Variants in RAD1 observed in about 807,000 individuals in gnomAD.
RAD1 encodes cell cycle checkpoint protein RAD1.
In RAD1, 21 loss-of-function variants were observed where a neutral mutation model predicts 30.0. The observed-to-expected ratio is 0.70, with a 90% CI of 0.50 to 1.01. The LOEUF (loss-of-function observed/expected upper bound fraction) is 1.01, where lower values mean the gene tolerates loss of function less well. Ranked by LOEUF, RAD1 falls within the 50% of genes least tolerant of loss-of-function variation. The probability of loss-of-function intolerance (pLI) is 0.00; values close to 1 mark genes in which losing one functional copy is unlikely to be tolerated. For missense variants in RAD1, 329 were observed against 329.0 expected, an observed-to-expected ratio of 1.00 and a Z score of 0.00; for synonymous variants, 109 against 113.6, an observed-to-expected ratio of 0.96 and a Z score of 0.26.
In RAD1 at chr5:34,911,599, C is replaced by T. The variant is rs373845802; in HGVS notation, c.521G>A (p.Ser174Asn). 5.0e-6 allele frequency: 8 copies of T among 1,614,068 alleles called. No individual in the cohort carries two copies. Among genetic ancestry groups the T allele is most frequent in the Non-Finnish European group, 6.8e-6 (8 of 1,180,028 alleles). ...AGACATGGTAATTTGTAGGACTTCA[C>T]TCGTCATATCCAATTCAGAAAATGC... Reference protein sequence around the residue: ...REAFSELDMTSEVLQITMSPD... With the variant: ...REAFSELDMTNEVLQITMSPD... The change falls in exon 4 of 6, where the codon AGT becomes AAT. Residue 174 changes from serine (S) to asparagine (N), a missense_variant. Transcript: ENST00000382038.
intron 2 of RAD1, 52 bp downstream of exon 2, chr5:34,914,638 CATTAA>C: frequency 6.4e-7 from 1 of 1,560,456 alleles, no homozygotes; most frequent in East Asian, 2.2e-5. Context: ...CTTCCGATTT[CATTAA>C]ATTACATTTA....
rs1344364841 is a variant in RAD1 at position 34,906,390 on chromosome 5, G to A, written c.*2375C>T. 1 of 152,180 alleles carries A rather than the reference G, an allele frequency of 6.6e-6. No homozygotes were observed. The highest frequency in any genetic ancestry group is 2.4e-5 in the African/African-American group (1 of 41,442). 9.4% of individuals were successfully genotyped at this position (152,180 alleles called of 1,614,324 possible). ...ATGATAGCTCACGCCTGTAATCCCA[G>A]CCCTTTGGGAGGCCGAGGCGGGTGG... On this transcript the variant is annotated 3_prime_UTR_variant, in exon 6 of 6. Transcript: ENST00000382038.
At position 34,914,413 on chromosome 5, in the gene RAD1, T is replaced by C. The variant is rs545841355; in HGVS notation, c.198+282A>G. On this transcript the variant is annotated intron_variant, in intron 2 of 5. Coordinates refer to ENST00000382038, the MANE Select transcript of RAD1 (RefSeq NM_002853.4). ...AATAAGTTAAACAATAAGAAGACTG[T>C]AGCCTAGCCAATAGCCTAGTTTAAT... 2.7e-5 allele frequency: 11 copies of C among 410,636 alleles called. No individual in the cohort carries two copies. In the East Asian group the frequency reaches 3.6e-4, roughly 13 times the overall value. The allele number at this position is 410,636 out of a possible 1,614,324, so 25.4% of individuals were successfully genotyped here. A position where few individuals can be genotyped will look rare whatever the true frequency, so the allele number is the denominator to read the frequency against.
In RAD1 at chr5:34,907,012, GT is replaced by G. The variant is rs1276301081; in HGVS notation, c.*1752del. The G allele has an allele frequency of 1.3e-5, 2 of 151,988 alleles. No homozygotes were observed. The highest frequency in any genetic ancestry group is 4.8e-5 in the African/African-American group (2 of 41,362). The allele number at this position is 151,988 out of a possible 1,614,324, so 9.4% of individuals were successfully genotyped here. On this transcript the variant is annotated 3_prime_UTR_variant, in exon 6 of 6. Transcript: ENST00000382038. ...TTAGAAAATTCCAACTTCTTTTGTA[GT>G]CACTGCTAAATTTTGTATGCTGAGA...
Position 34,911,696 on chromosome 5 carries a change from T to A in RAD1, c.424A>T (p.Thr142Ser). The A allele has an allele frequency of 2.5e-6, 4 of 1,614,118 alleles. No individual in the cohort carries two copies. Among genetic ancestry groups the A allele is most frequent in the Non-Finnish European group, 3.4e-6 (4 of 1,180,030 alleles). The change falls in exon 4 of 6, where the codon ACC becomes TCC. Residue 142 changes from threonine (T) to serine (S), a missense_variant. Coordinates refer to ENST00000382038, the MANE Select transcript of RAD1 (RefSeq NM_002853.4). ...CKINTQEPEE[T>S]LDFDFCSTNV... ...GTGCTGCAGAAATCAAAGTCCAGGGTCTCCTCAGGTTCCTGTGTATTGATT... is the reference window on the plus strand; with the variant it reads ...GTGCTGCAGAAATCAAAGTCCAGGGACTCCTCAGGTTCCTGTGTATTGATT...
intron 3 of RAD1, 31 bp downstream of exon 3, chr5:34,913,439 C>A: frequency 1.5e-6 from 2 of 1,336,760 alleles, no homozygotes; most frequent in Non-Finnish European, 2.1e-6. Context: ...ATGTATAACA[C>A]TTTTATGTCT....
At position 34,906,756 on chromosome 5, in the gene RAD1, C is replaced by CA. The variant is rs1287667357; in HGVS notation, c.*2008dup. The stretch of plus-strand genomic sequence containing the variant: ...TGAAATTGGAGAGTCTTTCATCTAA[C>CA]AGAGTTACTAAATGCCCATTATATG... On this transcript the variant is annotated 3_prime_UTR_variant, in exon 6 of 6. Coordinates refer to ENST00000382038, the MANE Select transcript of RAD1 (RefSeq NM_002853.4). 1 of 152,180 alleles carries CA rather than the reference C, an allele frequency of 6.6e-6. No individual in the cohort carries two copies. The highest frequency in any genetic ancestry group is 2.4e-5 in the African/African-American group (1 of 41,440). The allele number at this position is 152,180 out of a possible 1,614,324, so 9.4% of individuals were successfully genotyped here.
At position 34,914,810 on chromosome 5, in the gene RAD1, G is replaced by A. The variant is rs930669788; in HGVS notation, c.83C>T (p.Ser28Phe). ...VASLDNVRNL[S>F]TILKAIHFRE... ...GAAATGAATAGCTTTCAAGATAGTG[G>A]AGAGATTCCTAACGTTGTCAAGGCT... The change falls in exon 2 of 6, where the codon TCC becomes TTC. Residue 28 changes from serine (S) to phenylalanine (F), a missense_variant. By Grantham distance (155) the Ser-to-Phe change is radical. Transcript: ENST00000382038. 1.9e-6 allele frequency: 3 copies of A among 1,614,224 alleles called. No individual in the cohort carries two copies. The highest frequency in any genetic ancestry group is 2.5e-6 in the Non-Finnish European group (3 of 1,180,030).
Position 34,906,698 on chromosome 5 carries a change from A to T in RAD1, c.*2067T>A, listed in dbSNP as rs1273727949. ...AATTTAGAGCTAAATCATCAGAATT[A>T]AGTAGTGACTAATAAGATGCTAAAA... On this transcript the variant is annotated 3_prime_UTR_variant, in exon 6 of 6. Transcript: ENST00000382038. 6.6e-5 allele frequency: 10 copies of T among 152,196 alleles called. No individual in the cohort carries two copies. Among genetic ancestry groups the T allele is most frequent in the Non-Finnish European group, 1.5e-5 (1 of 68,038 alleles). 9.4% of individuals were successfully genotyped at this position (152,196 alleles called of 1,614,324 possible).
chr5:34,911,917 A>C (rs908730376), intron 3 of RAD1, 105 bp from the exon 4 acceptor site: 1 of 1,298,640 alleles, frequency 7.7e-7, no homozygotes, highest in Admixed American at 2.2e-5. Context: ...ATTCCGCCCA[A>C]TTTCTCACAT....
At chr5:34,909,816 T>G (rs1166990163) in intron 4 of RAD1, among the ~76,000 whole-genome samples, 3 of 152,220 alleles carry the variant, frequency 2.0e-5, no homozygotes, top group African/African-American at 7.2e-5. Flanking sequence ...ATACCAGAAG[T>G]TATTTGTAGA....
Position 34,914,790 on chromosome 5 carries a change from G to T in RAD1, c.103C>A (p.His35Asn). ...AAACACGTGGCATGTTCTCGGAAATGAATAGCTTTCAAGATAGTGGAGAGA... is the reference window on the plus strand; with the variant it reads ...AAACACGTGGCATGTTCTCGGAAATTAATAGCTTTCAAGATAGTGGAGAGA... Reference protein sequence around the residue: ...RNLSTILKAIHFREHATCFAT... With the variant: ...RNLSTILKAINFREHATCFAT... The change falls in exon 2 of 6, where the codon CAT becomes AAT. Residue 35 changes from histidine (H) to asparagine (N), a missense_variant. His to Asn is a moderately conservative substitution (Grantham distance 68, BLOSUM62 1). Coordinates refer to ENST00000382038, the MANE Select transcript of RAD1 (RefSeq NM_002853.4). 2 of 1,614,224 alleles carry T rather than the reference G, an allele frequency of 1.2e-6. No homozygotes were observed. Among genetic ancestry groups the T allele is most frequent in the Non-Finnish European group, 1.7e-6 (2 of 1,180,034 alleles).
chr5:34,910,887 G>C (rs1763814937), intron 4 of RAD1, among the ~76,000 whole-genome samples: 1 of 152,194 alleles, frequency 6.6e-6, no homozygotes, highest in African/African-American at 2.4e-5. Flanking sequence ...ATCCTGAAAA[G>C]AGACTTGTGT....
intron 3 of RAD1, among the ~76,000 whole-genome samples, chr5:34,912,037 C>A (rs1208932515): frequency 1.3e-5 from 2 of 152,164 alleles, no homozygotes; most frequent in Non-Finnish European, 2.9e-5. Flanking sequence ...TAACATAATT[C>A]TTTGGAATCA....
At position 34,907,921 on chromosome 5, in the gene RAD1, T is replaced by A. The variant is rs1426144108; in HGVS notation, c.*844A>T. ...CCTTTAAAACAGTGGTTCCCAAAAT[T>A]TAGCAGGCATCAGAATCTCCTGAGG... On this transcript the variant is annotated 3_prime_UTR_variant, in exon 6 of 6. Coordinates refer to ENST00000382038, the MANE Select transcript of RAD1 (RefSeq NM_002853.4). The A allele has an allele frequency of 6.6e-6, 1 of 152,156 alleles. No individual in the cohort carries two copies. The highest frequency in any genetic ancestry group is 1.5e-5 in the Non-Finnish European group (1 of 68,028). 9.4% of individuals were successfully genotyped at this position (152,156 alleles called of 1,614,324 possible).
intron 3 of RAD1, 62 bp from the exon 4 acceptor site, chr5:34,911,874 GA>G: frequency 6.5e-7 from 1 of 1,535,674 alleles, no homozygotes; most frequent in Non-Finnish European, 8.8e-7. Context: ...GCTTCTCCTC[GA>G]AATGATACAT....
chr5:34,912,650 A>G (rs983545169), intron 3 of RAD1, among the ~76,000 whole-genome samples: 1 of 152,198 alleles, frequency 6.6e-6, no homozygotes, highest in Non-Finnish European at 1.5e-5. Flanking sequence ...ACAGCAATTC[A>G]ATTTCACCAT....
intron 1 of RAD1, 91 bp from the exon 2 acceptor site, chr5:34,915,052 T>C (rs1764004427): frequency 2.6e-5 from 18 of 682,630 alleles, no homozygotes; most frequent in South Asian, 1.9e-5. Flanking sequence ...GCTGGGAGGC[T>C]GAACACGGCT....
chr5:34,911,152 A>G (rs1283862417), intron 4 of RAD1, among the ~76,000 whole-genome samples: 1 of 152,258 alleles, frequency 6.6e-6, no homozygotes, highest in East Asian at 1.9e-4. Flanking sequence ...TAGTGAATGA[A>G]TGAGCCACGT....
Sources: gnomAD v4.1 joint callset for allele counts (sites outside exome capture counted in the v4.1 genomes callset) on GRCh38, gnomAD v4.1.1 for gene constraint, MANE v1.5 for transcripts, NCBI Gene and HGNC (gene_info 2026-07-23, HGNC 2026-07-21) for gene names.